Variants in SGIP1 observed in about 807,000 individuals in gnomAD.
SGIP1 encodes SH3-containing GRB2-like protein 3-interacting protein 1.
Under a neutral mutation model 107.5 loss-of-function variants are expected in SGIP1, and 38 were observed. The ratio of observed to expected loss-of-function variants is 0.35; its 90% CI spans 0.27 to 0.46. The LOEUF (loss-of-function observed/expected upper bound fraction) is 0.46, where lower values mean the gene tolerates loss of function less well. Among genes scored for constraint, SGIP1 ranks in the 20% least tolerant of loss-of-function variants. The pLI, the probability that SGIP1 is intolerant of heterozygous loss-of-function variation, is 1.00. For missense variants in SGIP1, 929 were observed against 1,019.5 expected (o/e 0.91, Z 1.21); for synonymous variants, 365 against 366.1 (o/e 1.00, Z 0.03).
At chr1:66,683,700 C>CTTTTCTTTTTTTTTTTTTT (rs2087379165) in intron 15 of SGIP1, among the ~76,000 whole-genome samples, 4 of 61,396 alleles carry the variant, frequency 6.5e-5, no homozygotes, top group Admixed American at 2.5e-4. Context: ...TGTTTCTTTT[C>CTTTTCTTTTTTTTTTTTTT]TTTTTTTTTT....
chr1:66,643,505 A>G, intron 6 of SGIP1, 39 bp from the exon 7 acceptor site: 2 of 1,560,802 alleles, frequency 1.3e-6, no homozygotes, highest in Non-Finnish European at 1.7e-6. Context: ...GTTGCCTCCC[A>G]GTAGAAGAAA....
At chr1:66,636,053 T>C (rs769196111) in intron 4 of SGIP1, 38 bp downstream of exon 4, 5 of 1,589,538 alleles carry the variant, frequency 3.1e-6, no homozygotes, top group Non-Finnish European at 2.6e-6. Flanking sequence ...TTCCAAAGGG[T>C]TATAAAAAAC....
In SGIP1 at chr1:66,719,360, T is replaced by A; in HGVS notation, c.1697T>A (p.Phe566Tyr). ...AQDTLPVAAA[F>Y]TETVNAYFKG... ...GACACTCTCCCTGTTGCAGCAGCAT[T>A]TACAGAAACAGTCAATGCCTATTTC... The change falls in exon 19 of 25, where the codon TTT becomes TAT. Residue 566 changes from phenylalanine (F) to tyrosine (Y), a missense_variant. By Grantham distance (22) the Phe-to-Tyr change is conservative. Coordinates refer to ENST00000371037, the MANE Select transcript of SGIP1 (RefSeq NM_032291.4). The A allele has an allele frequency of 6.2e-7, 1 of 1,613,560 alleles. No individual in the cohort carries two copies. Among genetic ancestry groups the A allele is most frequent in the Non-Finnish European group, 8.5e-7 (1 of 1,179,710 alleles).
intron 18 of SGIP1, among the ~76,000 whole-genome samples, chr1:66,708,700 T>G (rs1010898487): frequency 2.0e-5 from 3 of 152,116 alleles, no homozygotes; most frequent in Admixed American, 1.3e-4. Flanking sequence ...AGACCCAGGT[T>G]GAAGAAAAAT....
At chr1:66,722,846 G>A (rs1447042996) in intron 19 of SGIP1, among the ~76,000 whole-genome samples, 1 of 152,094 alleles carries the variant, frequency 6.6e-6, no homozygotes, top group Non-Finnish European at 1.5e-5. Flanking sequence ...TAAGCTTGAT[G>A]TCTGCGGCCT....
At chr1:66,726,266 T>A (rs2093751925) in intron 19 of SGIP1, among the ~76,000 whole-genome samples, 1 of 152,190 alleles carries the variant, frequency 6.6e-6, no homozygotes, top group South Asian at 2.1e-4. Flanking sequence ...TAAGCATGGT[T>A]CCTGCAGGCA....
chr1:66,562,141 C>T (rs1200927115), intron 1 of SGIP1, among the ~76,000 whole-genome samples: 1 of 151,826 alleles, frequency 6.6e-6, no homozygotes. Flanking sequence ...TATTAGTGAG[C>T]ACCTCCTATG....
chr1:66,573,766 G>A (rs574081465), intron 1 of SGIP1, among the ~76,000 whole-genome samples: 1 of 152,058 alleles, frequency 6.6e-6, no homozygotes, highest in Non-Finnish European at 1.5e-5. Flanking sequence ...TGAGCAGAGG[G>A]TTGGAGGAGA....
intron 17 of SGIP1, chr1:66,694,558 A>G (rs1464981263): frequency 1.4e-6 from 2 of 1,428,668 alleles, no homozygotes; most frequent in Non-Finnish European, 9.3e-7. Flanking sequence ...AATCCAAGCC[A>G]TTATCCATCT....
intron 1 of SGIP1, among the ~76,000 whole-genome samples, chr1:66,572,244 C>T (rs533435769): frequency 6.6e-6 from 1 of 152,084 alleles, no homozygotes; most frequent in East Asian, 1.9e-4. Context: ...GATTTGACTT[C>T]CCTAAAATGG....
At chr1:66,631,896 C>A (rs1335570618) in intron 2 of SGIP1, among the ~76,000 whole-genome samples, 1 of 152,120 alleles carries the variant, frequency 6.6e-6, no homozygotes, top group African/African-American at 2.4e-5. Flanking sequence ...TAATACGTAT[C>A]GCTGTATGTT....
At chr1:66,685,292 G>C (rs1342715099) in intron 15 of SGIP1, among the ~76,000 whole-genome samples, 1 of 152,206 alleles carries the variant, frequency 6.6e-6, no homozygotes, top group Non-Finnish European at 1.5e-5. Context: ...TGATAACCTT[G>C]TGAATCAGAA....
At chr1:66,667,359 T>C (rs1302767895) in intron 8 of SGIP1, among the ~76,000 whole-genome samples, 171 bp from the exon 9 acceptor site, 1 of 152,248 alleles carries the variant, frequency 6.6e-6, no homozygotes, top group African/African-American at 2.4e-5. Flanking sequence ...CAAAGCCTCC[T>C]ATGGTTTAAA....
intron 6 of SGIP1, 78 bp from the exon 7 acceptor site, chr1:66,643,466 C>T (rs2149495944): frequency 8.2e-7 from 1 of 1,216,652 alleles, no homozygotes; most frequent in East Asian, 2.5e-5. Context: ...TTTGCTGTCT[C>T]TATATGCAAT....
chr1:66,626,611 T>G (rs1269766524), intron 2 of SGIP1, among the ~76,000 whole-genome samples: 1 of 152,202 alleles, frequency 6.6e-6, no homozygotes, highest in Non-Finnish European at 1.5e-5. Context: ...CCTGCAGAAG[T>G]ATTTGGCTCT....
At chr1:66,581,672 A>G (rs558961401) in intron 1 of SGIP1, among the ~76,000 whole-genome samples, 19 of 152,156 alleles carry the variant, frequency 1.2e-4, no homozygotes, top group Admixed American at 5.9e-4. Context: ...TCAGCTCAAG[A>G]TGAGTTATTG....
At chr1:66,595,571 T>A (rs542308062) in intron 1 of SGIP1, among the ~76,000 whole-genome samples, 8 of 152,214 alleles carry the variant, frequency 5.3e-5, no homozygotes, top group Non-Finnish European at 1.2e-4. Context: ...ATAAAAGTTA[T>A]ATTGGTGAAC....
At chr1:66,608,771 C>T (rs1018032974) in intron 1 of SGIP1, among the ~76,000 whole-genome samples, 50 of 152,206 alleles carry the variant, frequency 3.3e-4, no homozygotes, top group African/African-American at 1.1e-3. Flanking sequence ...GGAGGAGGCA[C>T]TGAGTGAGAG....
chr1:66,711,277 C>A (rs1469225664), intron 18 of SGIP1, among the ~76,000 whole-genome samples: 1 of 152,056 alleles, frequency 6.6e-6, no homozygotes, highest in Non-Finnish European at 1.5e-5. Flanking sequence ...CATCCTATAT[C>A]ATCATATTTA....
Sources: allele counts gnomAD v4.1 joint callset (sites outside exome capture counted in the v4.1 genomes callset), GRCh38; gene constraint gnomAD v4.1.1; transcripts MANE v1.5; gene names NCBI Gene and HGNC (gene_info 2026-07-23, HGNC 2026-07-21).